Variants in PARP9 observed in about 807,000 individuals in gnomAD.
The protein encoded by PARP9 is poly(ADP-ribose) polymerase family member 9.
A neutral mutation model predicts 68.8 loss-of-function variants in PARP9; 48 were observed. The observed-to-expected ratio is 0.70, with a 90% CI of 0.55 to 0.89. The LOEUF (loss-of-function observed/expected upper bound fraction) is 0.89. Ranked by LOEUF, PARP9 falls within the 40% of genes least tolerant of loss-of-function variation. The probability of loss-of-function intolerance (pLI) is 0.00; values close to 1 mark genes in which losing one functional copy is unlikely to be tolerated. For missense variants in PARP9, 806 were observed against 969.3 expected (o/e 0.83, Z 2.24); for synonymous variants, 309 against 333.8 (o/e 0.93, Z 0.81).
intron 10 of PARP9, chr3:122,532,275 A>G (rs2077364758): frequency 2.0e-6 from 2 of 985,228 alleles, no homozygotes; most frequent in African/African-American, 1.7e-5. Flanking sequence ...GAAAAGACAT[A>G]GAGTGGCCTG....
At chr3:122,528,817 T>C in intron 10 of PARP9, 74 bp from the exon 11 acceptor site, 3 of 1,317,696 alleles carry the variant, frequency 2.3e-6, no homozygotes, top group South Asian at 3.1e-5. Flanking sequence ...GGTACTAATA[T>C]CTATTCTTTC....
chr3:122,560,479 T>C (rs930204201), intron 1 of PARP9, among the ~76,000 whole-genome samples: 4 of 152,048 alleles, frequency 2.6e-5, no homozygotes, highest in African/African-American at 9.7e-5. Context: ...CTCCGCCTCC[T>C]GGGTTCACGC....
intron 10 of PARP9, chr3:122,532,502 C>A: frequency 2.3e-6 from 2 of 868,750 alleles, no homozygotes; most frequent in Non-Finnish European, 2.8e-6. Context: ...ACTGAGTTCA[C>A]CTTGAACTGT....
chr3:122,559,857 T>G, intron 1 of PARP9, 148 bp from the exon 2 acceptor site: 1 of 403,402 alleles, frequency 2.5e-6, no homozygotes, highest in Non-Finnish European at 4.4e-6. Flanking sequence ...GTTTTGCTGT[T>G]GTTGTTACTG....
At chr3:122,538,559 G>A (rs191533455) in intron 8 of PARP9, among the ~76,000 whole-genome samples, 1 of 152,084 alleles carries the variant, frequency 6.6e-6, no homozygotes, top group Non-Finnish European at 1.5e-5. Context: ...ACTACCAAAA[G>A]TGCCATCGTG....
rs1031392471 is a variant in PARP9, at chr3:122,537,097, T to G, written c.1766-24A>C. 14 of 1,585,720 alleles carry G rather than the reference T, an allele frequency of 8.8e-6. No individual in the cohort carries two copies. The African/African-American group carries it at 1.4e-4, about 15-fold the overall frequency. ...TCCTAAAAATGAGTAACACAAAAACTTTACTTCAATGCTCTGAGAGAGGAG... is the reference window on the plus strand; with the variant it reads ...TCCTAAAAATGAGTAACACAAAAACGTTACTTCAATGCTCTGAGAGAGGAG... On this transcript the variant is annotated intron_variant, in intron 8 of 10. Transcript: ENST00000682323.
At chr3:122,539,853 C>T (rs565573203) in intron 8 of PARP9, among the ~76,000 whole-genome samples, 6 of 152,202 alleles carry the variant, frequency 3.9e-5, no homozygotes, top group South Asian at 2.1e-4. Flanking sequence ...CGTGAGCCAC[C>T]GTGCCCAGCC....
At position 122,536,312 on chromosome 3, in the gene PARP9, C is replaced by T. The variant is rs748169003; in HGVS notation, c.1936G>A (p.Ala646Thr). 1.9e-6 allele frequency: 3 copies of T among 1,614,118 alleles called. No homozygotes were observed. The Admixed American group carries it at 5.0e-5, about 27-fold the overall frequency. Residue 646 changes from alanine to threonine, a missense_variant, in exon 10 of 11, where the codon GCT becomes ACT. Coordinates refer to ENST00000682323, the MANE Select transcript of PARP9 (RefSeq NM_001146105.2). ...ATTTTCTTCTTTCTTTGAAAGGCAGCCATAAGGACCTCATTGTCTATCTTC... is the reference window on the plus strand; with the variant it reads ...ATTTTCTTCTTTCTTTGAAAGGCAGTCATAAGGACCTCATTGTCTATCTTC... ...VEKIDNEVLMAAFQRKKKMME... is the reference protein window; with the variant it reads ...VEKIDNEVLMTAFQRKKKMME...
At chr3:122,552,002 A>G (rs1349297170) in intron 5 of PARP9, among the ~76,000 whole-genome samples, 3 of 152,160 alleles carry the variant, frequency 2.0e-5, no homozygotes, top group Non-Finnish European at 2.9e-5. Flanking sequence ...TGCAGCCTCA[A>G]TCTCCTGGGC....
chr3:122,529,619 T>C (rs930137575), intron 10 of PARP9, among the ~76,000 whole-genome samples: 6 of 151,688 alleles, frequency 4.0e-5, no homozygotes, highest in South Asian at 2.1e-4. Flanking sequence ...CCGGGCGCAG[T>C]TGGGGGCGCC....
At position 122,555,319 on chromosome 3, in the gene PARP9, G is replaced by C; in HGVS notation, c.852C>G (p.Leu284=). ...FNAMVVNNLT[L]QIVQGHIEWQ... is the part of the protein sequence containing the mutation. ...ATTCAATGTGGCCCTGGACAATCTG[G>C]AGGGTCAGGTTGTTCACGACCATTG... Residue 284 remains leucine, a synonymous_variant, in exon 4 of 11, where the codon CTC becomes CTG. Coordinates refer to ENST00000682323, the MANE Select transcript of PARP9 (RefSeq NM_001146105.2). 6.2e-7 allele frequency: 1 copy of C among 1,613,610 alleles called. No homozygotes were observed. Among genetic ancestry groups the C allele is most frequent in the Non-Finnish European group, 8.5e-7 (1 of 1,179,664 alleles).
intron 4 of PARP9, among the ~76,000 whole-genome samples, chr3:122,554,149 G>T (rs888607434): frequency 6.6e-6 from 1 of 152,042 alleles, no homozygotes; most frequent in East Asian, 1.9e-4. Context: ...CCTGACTGTA[G>T]TCAAGCCCAT....
At chr3:122,564,573 A>G (rs376474027), upstream of PARP9, 14 of 1,604,208 alleles carry the variant, frequency 8.7e-6, no homozygotes, top group African/African-American at 1.4e-4. Context: ...AGGAACACGA[A>G]GCCCCGGGCA....
chr3:122,528,243 C>A lies in PARP9; in HGVS notation c.*121G>T. On this transcript the variant is annotated 3_prime_UTR_variant, in exon 11 of 11. Coordinates refer to ENST00000682323, the MANE Select transcript of PARP9 (RefSeq NM_001146105.2). ...TATGTGGCTAGTCCTTTCAATAACC[C>A]AGTCAGTCCATACAGATAACCCATG... The A allele has an allele frequency of 7.8e-7, 1 of 1,284,066 alleles. No homozygotes were observed. The highest frequency in any genetic ancestry group is 1.1e-6 in the Non-Finnish European group (1 of 928,332). The allele number at this position is 1,284,066 out of a possible 1,614,324, so 79.5% of individuals were successfully genotyped here. A position where few individuals can be genotyped will look rare whatever the true frequency, so the allele number is the denominator to read the frequency against.
chr3:122,530,841 T>C (rs1044248715), intron 10 of PARP9, among the ~76,000 whole-genome samples: 2 of 152,038 alleles, frequency 1.3e-5, no homozygotes, highest in South Asian at 2.1e-4. Flanking sequence ...GGCAGGAGGA[T>C]TGGTGGAGGT....
intron 10 of PARP9, among the ~76,000 whole-genome samples, chr3:122,531,099 T>A (rs1212976153): frequency 6.6e-6 from 1 of 152,236 alleles, no homozygotes; most frequent in Non-Finnish European, 1.5e-5. Flanking sequence ...GTCTTTGAAA[T>A]CCGGTGTGTA....
chr3:122,551,561 G>A (rs1050016684), intron 5 of PARP9, among the ~76,000 whole-genome samples: 8 of 152,112 alleles, frequency 5.3e-5, no homozygotes, highest in Admixed American at 1.3e-4. Flanking sequence ...GGGCAGTGGC[G>A]CGATCTCGGC....
chr3:122,536,069 C>A, intron 10 of PARP9, 99 bp downstream of exon 10: 2 of 1,595,926 alleles, frequency 1.3e-6, no homozygotes, highest in Non-Finnish European at 1.7e-6. Flanking sequence ...ACAAATGATC[C>A]CTTCCCCACA....
At chr3:122,538,714 A>G (rs1576389353) in intron 8 of PARP9, among the ~76,000 whole-genome samples, 1 of 151,750 alleles carries the variant, frequency 6.6e-6, no homozygotes, top group South Asian at 2.1e-4. Context: ...TAATGCCACA[A>G]GTTTTATAGG....
Sources: allele counts gnomAD v4.1 joint callset (sites outside exome capture counted in the v4.1 genomes callset), GRCh38; gene constraint gnomAD v4.1.1; transcripts MANE v1.5; gene names NCBI Gene and HGNC (gene_info 2026-07-23, HGNC 2026-07-21).